TNS3: variants seen among roughly 807,000 people sequenced by gnomAD.
TNS3 encodes tensin 3, also known as tensin-3.
In TNS3, 45 loss-of-function variants were observed where a neutral mutation model predicts 140.9. The ratio of observed to expected loss-of-function variants is 0.32; its 90% CI spans 0.25 to 0.41. The LOEUF is 0.41. TNS3 is among the 10% of genes least tolerant of loss of function. The probability of loss-of-function intolerance (pLI) is 1.00; values close to 1 mark genes in which losing one functional copy is unlikely to be tolerated. For missense variants in TNS3, 1,716 were observed against 1,906.7 expected, an observed-to-expected ratio of 0.90 and a Z score of 1.86; for synonymous variants, 815 against 788.4, an observed-to-expected ratio of 1.03 and a Z score of -0.56.
At chr7:47,302,084 C>A (rs1360352094) in intron 23 of TNS3, 102 bp downstream of exon 23, 3 of 928,658 alleles carry the variant, frequency 3.2e-6, no homozygotes, top group Non-Finnish European at 3.5e-6. Flanking sequence ...ATATGAAGGC[C>A]ACGGCTGCCC....
At chr7:47,362,428 G>T (rs371342048) in intron 17 of TNS3, among the ~76,000 whole-genome samples, 1 of 152,218 alleles carries the variant, frequency 6.6e-6, no homozygotes, top group South Asian at 2.1e-4. Context: ...AGTAGTTCAG[G>T]TCTCAAAAGG....
chr7:47,350,193 G>A (rs1209382478), intron 17 of TNS3, among the ~76,000 whole-genome samples: 2 of 152,176 alleles, frequency 1.3e-5, no homozygotes, highest in African/African-American at 4.8e-5. Context: ...CACTTCCACT[G>A]CCTGTGGTGA....
chr7:47,481,198 T>C, intron 3 of TNS3, 57 bp from the exon 4 acceptor site: 1 of 1,256,442 alleles, frequency 8.0e-7, no homozygotes, highest in Non-Finnish European at 1.0e-6. Context: ...AAAATTAGCA[T>C]AATAATCAAG....
chr7:47,448,634 C>T (rs1795869350), intron 4 of TNS3, among the ~76,000 whole-genome samples: 1 of 152,080 alleles, frequency 6.6e-6, no homozygotes, highest in African/African-American at 2.4e-5. Flanking sequence ...CACCCACCAA[C>T]ACACCTGGCT....
chr7:47,380,138 C>T (rs561604635), intron 16 of TNS3, among the ~76,000 whole-genome samples: 4 of 152,354 alleles, frequency 2.6e-5, no homozygotes, highest in East Asian at 1.9e-4. Context: ...CACTGTGCTC[C>T]GAGTGGGGCT....
At chr7:47,412,068 G>A (rs954585505) in intron 12 of TNS3, among the ~76,000 whole-genome samples, 6 of 152,168 alleles carry the variant, frequency 3.9e-5, no homozygotes, top group Non-Finnish European at 8.8e-5. Flanking sequence ...GCTTGGAGAC[G>A]ACCATGCAGG....
rs1440650090 is a variant in TNS3 at position 47,293,808 on chromosome 7, G to A, written c.3697C>T (p.Leu1233Phe). Residue 1233 changes from leucine to phenylalanine, a missense_variant, in exon 25 of 31, where the codon CTC becomes TTC. Transcript: ENST00000311160. Reference sequence around the variant, plus strand: ...CACTCGATCAAAAAGTGCCGGACGAGTTCATTGGCCAAATCTCCAGCTGTG... The same window carrying A: ...CACTCGATCAAAAAGTGCCGGACGAATTCATTGGCCAAATCTCCAGCTGTG... Reference protein sequence around the residue: ...NKKAGDLANELVRHFLIECTP... With the variant: ...NKKAGDLANEFVRHFLIECTP... 6.2e-7 allele frequency: 1 copy of A among 1,614,196 alleles called. No homozygotes were observed. Among genetic ancestry groups the A allele is most frequent in the Admixed American group, 1.7e-5 (1 of 60,026 alleles).
intron 4 of TNS3, among the ~76,000 whole-genome samples, chr7:47,448,627 C>T (rs1435838035): frequency 1.3e-5 from 2 of 151,940 alleles, no homozygotes; most frequent in African/African-American, 2.4e-5. Context: ...TTATAAGCAC[C>T]CACCAACACA....
chr7:47,470,399 C>G, intron 4 of TNS3: 3 of 923,248 alleles, frequency 3.2e-6, no homozygotes, highest in Non-Finnish European at 3.9e-6. Context: ...AATATGTGAC[C>G]ACTCTAGAAT....
At chr7:47,408,324 A>G (rs834603) in intron 13 of TNS3, among the ~76,000 whole-genome samples, 71,891 of 151,880 alleles carry the variant, frequency 0.47, 17,243 homozygotes, top group Non-Finnish European at 0.5. Context: ...TCCCACCCAC[A>G]CCGCCCACTC....
intron 13 of TNS3, among the ~76,000 whole-genome samples, chr7:47,403,107 T>A (rs1055171654): frequency 3.9e-5 from 6 of 152,078 alleles, no homozygotes; most frequent in African/African-American, 1.4e-4. Flanking sequence ...GCCCCTCCCG[T>A]CAGTACCGCC....
At chr7:47,544,049 T>A (rs1799859806) in intron 1 of TNS3, among the ~76,000 whole-genome samples, 2 of 152,208 alleles carry the variant, frequency 1.3e-5, no homozygotes, top group South Asian at 4.1e-4. Context: ...GCTTCTTCCC[T>A]CTTCTCTGCT....
chr7:47,389,946 G>GCT lies in TNS3; in HGVS notation c.1024+6852_1024+6853dup, dbSNP rs201972095. On this transcript the variant is annotated intron_variant, in intron 16 of 30. Transcript: ENST00000311160. ...CTGATGACAGCTGCTTTTCACTGGA[G>GCT]CTATCTAAGCAAGCAATGCTTAGAA... is the stretch of plus-strand genomic sequence containing the variant. 6.6e-3 allele frequency among the ~76,000 whole-genome samples: 1,003 copies of GCT among 152,322 alleles called. 14 individuals carry two copies. The highest frequency in any genetic ancestry group is 0.023 in the African/African-American group (949 of 41,580).
At position 47,302,254 on chromosome 7, in the gene TNS3, A is replaced by C. The variant is rs1252574341; in HGVS notation, c.3476T>G (p.Leu1159Arg). The C allele has an allele frequency of 6.2e-7, 1 of 1,614,084 alleles. No individual in the cohort carries two copies. Among genetic ancestry groups the C allele is most frequent in the Non-Finnish European group, 8.5e-7 (1 of 1,180,002 alleles). The change falls in exon 23 of 31, where the codon CTT becomes CGT. Residue 1159 changes from leucine to arginine, a missense_variant. Around this residue, in one of 3 missense-constraint regions of TNS3, gnomAD observed 1,163 missense variants for 1,182.1 expected, o/e 0.98. Transcript: ENST00000311160. Reference protein sequence around the residue: ...SPLPDSPGDKLVIVKFVQDTS... With the variant: ...SPLPDSPGDKRVIVKFVQDTS... ...GTCTTGAACAAATTTCACGATCACAAGTTTATCACCTGGACTATCTGTAAA... is the reference window on the plus strand; with the variant it reads ...GTCTTGAACAAATTTCACGATCACACGTTTATCACCTGGACTATCTGTAAA...
rs765801384 is a variant in TNS3, at chr7:47,303,291, G to A, written c.3116C>T (p.Ala1039Val). 13 of 1,613,614 alleles carry A rather than the reference G, an allele frequency of 8.1e-6. No homozygotes were observed. In the South Asian group the frequency reaches 1.3e-4, roughly 16 times the overall value. ...CGCTCCATGAGAATTGGCCAGCAAG[G>A]CCCCCAGGTCCTCCTCGGGCGGAAG... ...SGLPPEEDLG[A>V]LLANSHGASP... is the part of the protein sequence containing the mutation. The change falls in exon 22 of 31, where the codon GCC (alanine) becomes GTC (valine). Residue 1039 changes from alanine (A) to valine (V), a missense_variant. Transcript: ENST00000311160.
At chr7:47,351,508 C>G (rs908845106) in intron 17 of TNS3, among the ~76,000 whole-genome samples, 3 of 152,132 alleles carry the variant, frequency 2.0e-5, no homozygotes, top group African/African-American at 7.2e-5. Flanking sequence ...CACTAGCTGT[C>G]TTCTTCAGGC....
Position 47,368,784 on chromosome 7 carries a change from C to T in TNS3, c.1862G>A (p.Gly621Asp), listed in dbSNP as rs758592604. 23 of 1,602,386 alleles carry T rather than the reference C, an allele frequency of 1.4e-5. No homozygotes were observed. The highest frequency in any genetic ancestry group is 1.9e-5 in the Non-Finnish European group (22 of 1,175,138). The stretch of plus-strand genomic sequence containing the variant: ...CACTCTGGGCTGGGCCTGGACGAGG[C>T]CAGGATTGTCTGCAGGGCAGCGGCT... Reference protein sequence around the residue: ...LVSRCPADNPGLVQAQPRVPL... With the variant: ...LVSRCPADNPDLVQAQPRVPL... Residue 621 changes from glycine (G) to aspartate (D), a missense_variant, in exon 17 of 31, where the codon GGC (glycine) becomes GAC (aspartate). Gly to Asp is a moderately conservative substitution (Grantham distance 94, BLOSUM62 -1). Coordinates refer to ENST00000311160, the MANE Select transcript of TNS3 (RefSeq NM_022748.12).
Position 47,368,372 on chromosome 7 carries a change from C to T in TNS3, c.2274G>A (p.Gly758=). 6.7e-7 allele frequency: 1 copy of T among 1,486,248 alleles called. No individual in the cohort carries two copies. 92.1% of individuals were successfully genotyped at this position (1,486,248 alleles called of 1,614,324 possible). A position where few individuals can be genotyped will look rare whatever the true frequency, so the allele number is the denominator to read the frequency against. The part of the protein sequence containing the change: ...DTGEGPSRAT[G]RQGSSAEQPL... The stretch of plus-strand genomic sequence containing the variant: ...CATGGAGACCCAGCTCACCTTGCCG[C>T]CCGGTGGCCCTGCTGGGGCCCTCTC... The change falls in exon 17 of 31, where the codon GGG becomes GGA. Residue 758 remains glycine (G), a synonymous_variant. Coordinates refer to ENST00000311160, the MANE Select transcript of TNS3 (RefSeq NM_022748.12).
At chr7:47,399,461 C>G (rs897740563) in intron 15 of TNS3, among the ~76,000 whole-genome samples, 1 of 152,146 alleles carries the variant, frequency 6.6e-6, no homozygotes, top group Admixed American at 6.5e-5. Flanking sequence ...ACCAAAACAT[C>G]ATGGTATAAA....
Sources: allele counts gnomAD v4.1 joint callset (sites outside exome capture counted in the v4.1 genomes callset), GRCh38; gene constraint gnomAD v4.1.1; regional missense constraint gnomAD v4.1.1; transcripts MANE v1.5; gene names NCBI Gene and HGNC (gene_info 2026-07-23, HGNC 2026-07-21).